ASXL2: variants seen among roughly 807,000 people sequenced by gnomAD.
ASXL2 encodes the protein putative Polycomb group protein ASXL2.
A neutral mutation model predicts 122.0 loss-of-function variants in ASXL2; 23 were observed. The ratio of observed to expected loss-of-function variants is 0.19; its 90% CI spans 0.14 to 0.27. The LOEUF (loss-of-function observed/expected upper bound fraction) is 0.27. Among genes scored for constraint, ASXL2 ranks in the 10% least tolerant of loss-of-function variants. The pLI, the probability that ASXL2 is intolerant of heterozygous loss-of-function variation, is 1.00. For missense variants in ASXL2, 1,518 were observed against 1,713.8 expected (o/e 0.89, Z 2.02); for synonymous variants, 650 against 637.0 (o/e 1.02, Z -0.31).
At chr2:25,752,824 G>A (rs62130130) in intron 11 of ASXL2, among the ~76,000 whole-genome samples, 41,315 of 147,500 alleles carry the variant, frequency 0.28, 5,979 homozygotes, top group African/African-American at 0.32. Context: ...CAGCCTGGGC[G>A]ACAAGAGTGA....
At chr2:25,851,991 C>T (rs1489592867) in intron 1 of ASXL2, among the ~76,000 whole-genome samples, 1 of 152,082 alleles carries the variant, frequency 6.6e-6, no homozygotes. Context: ...GGAAAAAAAC[C>T]CTTTCTTGGC....
intron 3 of ASXL2, among the ~76,000 whole-genome samples, chr2:25,820,538 T>TATG (rs1347807845): frequency 6.6e-6 from 1 of 152,210 alleles, no homozygotes. Flanking sequence ...ATTCCATTTA[T>TATG]ATGAATGTCC....
intron 1 of ASXL2, among the ~76,000 whole-genome samples, chr2:25,860,155 T>C (rs891942506): frequency 7.3e-5 from 11 of 151,516 alleles, no homozygotes; most frequent in Admixed American, 2.6e-4. Flanking sequence ...CTACTAAAAA[T>C]ACAAAATTAA....
chr2:25,848,198 G>C (rs948922822), intron 1 of ASXL2, among the ~76,000 whole-genome samples: 1 of 152,078 alleles, frequency 6.6e-6, no homozygotes, highest in Non-Finnish European at 1.5e-5. Context: ...GCCACACTCA[G>C]AACTGAAAAT....
chr2:25,759,452 T>A (rs2088199938), intron 9 of ASXL2, 30 bp downstream of exon 9: 2 of 1,598,124 alleles, frequency 1.3e-6, no homozygotes, highest in Non-Finnish European at 1.7e-6. Context: ...AACAGCTATT[T>A]TTAAAATCTT....
At position 25,744,399 on chromosome 2, in the gene ASXL2, G is replaced by C. The variant is rs1292311602; in HGVS notation, c.1938C>G (p.Ile646Met). The change falls in exon 13 of 13, where the codon ATC (isoleucine) becomes ATG (methionine). Residue 646 changes from isoleucine to methionine, a missense_variant. By Grantham distance (10) the Ile-to-Met change is conservative. This residue lies in a region of ASXL2 where 292 missense variants were observed against 293.5 expected (regional missense o/e 1.00). Transcript: ENST00000435504. The surrounding 1 kb of genome is among the most constrained non-coding windows in gnomAD (Gnocchi z 4.7). ...TGGCTCCTGTTCTGTTAGGACTAGT[G>C]ATGGAGACTGGAAAACGAGCCCTGG... ...VSPRARFPVS[I>M]TSPNRTGART... 2 of 1,613,872 alleles carry C rather than the reference G, an allele frequency of 1.2e-6. No homozygotes were observed. The highest frequency in any genetic ancestry group is 1.7e-6 in the Non-Finnish European group (2 of 1,179,878).
rs1293915045 is a variant in ASXL2 at position 25,767,687 on chromosome 2, C to T, written c.671G>A (p.Ser224Asn). 3.7e-6 allele frequency: 6 copies of T among 1,613,918 alleles called. No individual in the cohort carries two copies. Among genetic ancestry groups the T allele is most frequent in the Non-Finnish European group, 5.1e-6 (6 of 1,179,856 alleles). Residue 224 changes from serine to asparagine, a missense_variant, in exon 8 of 13, where the codon AGC becomes AAC. Ser to Asn is a conservative substitution (Grantham distance 46, BLOSUM62 1). This residue lies in a region of ASXL2 where 198 missense variants were observed against 209.0 expected (regional missense o/e 0.95). Transcript: ENST00000435504. ...EGKQSDGQTG[S>N]PQNSNSSFSS... ...AAAGCTGGAGTTTGAGTTTTGAGGG[C>T]TGCCTGTCTGTCCATCAGATTGCTT...
chr2:25,746,506 GAAA>G (rs11312322), intron 12 of ASXL2, among the ~76,000 whole-genome samples: 6 of 136,098 alleles, frequency 4.4e-5, no homozygotes, highest in African/African-American at 1.1e-4. Flanking sequence ...GGGAAAAAAT[GAAA>G]AAAAAAAAAA....
intron 6 of ASXL2, among the ~76,000 whole-genome samples, 195 bp downstream of exon 6, chr2:25,771,245 A>G (rs537800423): frequency 2.0e-5 from 3 of 152,346 alleles, no homozygotes; most frequent in African/African-American, 4.8e-5. Context: ...AAAACAAAGT[A>G]TCTACCAAAA....
chr2:25,845,295 T>C lies in ASXL2; in HGVS notation c.140+186A>G, dbSNP rs138250852. 320 of 1,019,170 alleles carry C rather than the reference T, an allele frequency of 3.1e-4. No homozygotes were observed. The African/African-American group carries it at 4.5e-3, about 14-fold the overall frequency. 63.1% of individuals were successfully genotyped at this position (1,019,170 alleles called of 1,614,324 possible). ...TCTAAGAATTGGTTTTAAAACCTTC[T>C]GGTTTAAAACTTTCTGGTTTTAAAA... On this transcript the variant is annotated intron_variant, in intron 2 of 12. Transcript: ENST00000435504.
chr2:25,742,483 CT>C lies in ASXL2; in HGVS notation c.3853del (p.Ser1285AlafsTer39), dbSNP rs1376718013. 1 of 1,613,754 alleles carries C rather than the reference CT, an allele frequency of 6.2e-7. No homozygotes were observed. ...HAVRGKAIRS[S>X]PELFSSTVLP... ...AACAGTAGAACTGAAAAGCTCGGGG[CT>C]GCTACGGATTGCCTTACCTCTCACT... On this transcript the variant is annotated frameshift_variant, in exon 13 of 13. Transcript: ENST00000435504. LOFTEE classifies it high-confidence loss of function.
intron 1 of ASXL2, among the ~76,000 whole-genome samples, chr2:25,875,655 G>T (rs905754756): frequency 6.6e-6 from 1 of 152,018 alleles, no homozygotes; most frequent in African/African-American, 2.4e-5. Context: ...TTATTGGTCA[G>T]GAAAACAACC....
intron 5 of ASXL2, among the ~76,000 whole-genome samples, chr2:25,797,007 T>C (rs978076596): frequency 3.9e-5 from 6 of 152,154 alleles, no homozygotes; most frequent in Admixed American, 2.0e-4. Context: ...TAACATAACA[T>C]TGAAGAAAAT....
In ASXL2 at chr2:25,878,370, C is replaced by T; in HGVS notation, c.-148G>A. 3 of 674,470 alleles carry T rather than the reference C, an allele frequency of 4.4e-6. No homozygotes were observed. Among genetic ancestry groups the T allele is most frequent in the Non-Finnish European group, 7.3e-6 (3 of 408,172 alleles). The allele number at this position is 674,470 out of a possible 1,614,324, so 41.8% of individuals were successfully genotyped here. A position where few individuals can be genotyped will look rare whatever the true frequency, so the allele number is the denominator to read the frequency against. ...CGGGGGGGCACCCAAGCAGAGGAAG[C>T]GGCGGGGGTGGTGCGCGGGGGGGTC... On this transcript the variant is annotated 5_prime_UTR_variant, in exon 1 of 13. Transcript: ENST00000435504.
intron 3 of ASXL2, among the ~76,000 whole-genome samples, chr2:25,817,406 T>C (rs998154162): frequency 6.6e-6 from 1 of 152,226 alleles, no homozygotes; most frequent in Non-Finnish European, 1.5e-5. Context: ...TAGGAATTAA[T>C]ATTACCTCAC....
intron 5 of ASXL2, among the ~76,000 whole-genome samples, chr2:25,781,491 T>C (rs1281390745): frequency 6.6e-6 from 1 of 152,166 alleles, no homozygotes; most frequent in Non-Finnish European, 1.5e-5. Flanking sequence ...TTATTATTTA[T>C]GTACATGGTG....
intron 5 of ASXL2, among the ~76,000 whole-genome samples, chr2:25,799,182 C>T (rs1040992869): frequency 6.6e-6 from 1 of 152,140 alleles, no homozygotes; most frequent in African/African-American, 2.4e-5. Context: ...TCAATAGGCC[C>T]ATGTAGCTAC....
At chr2:25,868,218 C>A (rs1250696642) in intron 1 of ASXL2, among the ~76,000 whole-genome samples, 1 of 152,220 alleles carries the variant, frequency 6.6e-6, no homozygotes, top group Non-Finnish European at 1.5e-5. Flanking sequence ...AAATAAGTAA[C>A]TAACACCATT....
chr2:25,748,432 G>C, intron 12 of ASXL2, among the ~76,000 whole-genome samples: 1 of 151,884 alleles, frequency 6.6e-6, no homozygotes. Flanking sequence ...CTTGAACCTG[G>C]GAGGTGGAGA....
Sources: gnomAD v4.1 joint callset for allele counts (sites outside exome capture counted in the v4.1 genomes callset) on GRCh38, gnomAD v4.1.1 for gene constraint, gnomAD v4.1.1 regional missense constraint, Gnocchi (gnomAD v3.1) non-coding constraint, MANE v1.5 for transcripts, NCBI Gene and HGNC (gene_info 2026-07-23, HGNC 2026-07-21) for gene names.